The following FGD4 variants were observed in gnomAD, a reference collection of about 807,000 sequenced individuals.
FGD4 encodes the protein FYVE, RhoGEF and PH domain containing 4.
A neutral mutation model predicts 102.0 loss-of-function variants in FGD4; 42 were observed. The observed-to-expected ratio is 0.41, with a 90% confidence interval of 0.32 to 0.53. The LOEUF (loss-of-function observed/expected upper bound fraction) is 0.53. Ranked by LOEUF, FGD4 falls within the 20% of genes least tolerant of loss-of-function variation. FGD4 has a pLI of 0.21. For synonymous variants in FGD4, 380 were observed against 375.7 expected (o/e 1.01, Z -0.13); for missense variants, 902 against 1,078.2 (o/e 0.84, Z 2.29).
At chr12:32,534,141 G>T in intron 1 of FGD4, 1 of 213,948 alleles carries the variant, frequency 4.7e-6, no homozygotes, top group Non-Finnish European at 8.0e-6. Context: ...GCTGTACTTT[G>T]AATGCTTTTA....
At chr12:32,451,901 G>C (rs971990550) in intron 1 of FGD4, among the ~76,000 whole-genome samples, 1 of 99,022 alleles carries the variant, frequency 1.0e-5, no homozygotes, top group African/African-American at 3.9e-5. Flanking sequence ...ATATTCTAAA[G>C]ATAACAATAA....
intron 1 of FGD4, among the ~76,000 whole-genome samples, chr12:32,497,154 A>G (rs1185545201): frequency 1.3e-5 from 2 of 152,184 alleles, no homozygotes; most frequent in Non-Finnish European, 2.9e-5. Flanking sequence ...TGGAACAACA[A>G]GTACTTCTCT....
chr12:32,418,533 TG>T (rs1941509503), intron 1 of FGD4, among the ~76,000 whole-genome samples: 2 of 152,158 alleles, frequency 1.3e-5, no homozygotes, highest in Admixed American at 1.3e-4. Flanking sequence ...CAGAGACTCT[TG>T]TTCTCTTCCT....
At chr12:32,535,710 T>C (rs903202689) in intron 1 of FGD4, among the ~76,000 whole-genome samples, 1 of 152,200 alleles carries the variant, frequency 6.6e-6, no homozygotes, top group Non-Finnish European at 1.5e-5. Flanking sequence ...TTAGGTTCTC[T>C]TTTTCCTGAA....
rs543105473 is a variant in FGD4, at chr12:32,484,010, G to T, written c.167-80127G>T. Reference sequence around the variant, plus strand: ...CTCTCAAAATCACCACTGCATTACAGTATTATACTAGATGATGGTGTGTTC... The same window carrying T: ...CTCTCAAAATCACCACTGCATTACATTATTATACTAGATGATGGTGTGTTC... On this transcript the variant is annotated intron_variant, in intron 1 of 16. Transcript: ENST00000534526. Among the ~76,000 whole-genome samples the T allele has an allele frequency of 8.5e-5, 13 of 152,220 alleles. No individual in the cohort carries two copies. The South Asian group carries it at 2.3e-3, about 27-fold the overall frequency.
intron 1 of FGD4, among the ~76,000 whole-genome samples, chr12:32,433,162 A>T (rs1418598299): frequency 6.6e-6 from 1 of 150,996 alleles, no homozygotes; most frequent in Non-Finnish European, 1.5e-5. Flanking sequence ...ACACCTCGCT[A>T]ATTTTTGTAT....
chr12:32,505,702 A>G (rs538308188), intron 1 of FGD4, among the ~76,000 whole-genome samples: 1 of 152,292 alleles, frequency 6.6e-6, no homozygotes, highest in African/African-American at 2.4e-5. Context: ...GAAAAGTTCC[A>G]CGTTTTACAA....
At chr12:32,522,282 G>A (rs1940628847) in intron 1 of FGD4, among the ~76,000 whole-genome samples, 4 of 152,164 alleles carry the variant, frequency 2.6e-5, no homozygotes, top group Admixed American at 2.6e-4. Flanking sequence ...ACGTAGAGTG[G>A]ATGATTTGCA....
Position 32,582,158 on chromosome 12 carries a change from AAACCAGAT to A in FGD4, c.703_710del (p.Asn235GlyfsTer3). 1 of 1,614,242 alleles carries A rather than the reference AAACCAGAT, an allele frequency of 6.2e-7. No homozygotes were observed. The highest frequency in any genetic ancestry group is 8.5e-7 in the Non-Finnish European group (1 of 1,180,042). On this transcript the variant is annotated frameshift_variant, in exon 4 of 17. Coordinates refer to ENST00000534526, the MANE Select transcript of FGD4 (RefSeq NM_001370298.3). LOFTEE classifies it high-confidence loss of function. Reference sequence around the variant, plus strand: ...TGGCCAACGGTGTAATGGCAGCACAAAACCAGATGGAATGTGAGGAGGAGAAAGCTGCC... The same window carrying A: ...TGGCCAACGGTGTAATGGCAGCACAAGGAATGTGAGGAGGAGAAAGCTGCC...
chr12:32,437,577 C>T lies in FGD4; in HGVS notation c.166+37618C>T, dbSNP rs139889874. Among the ~76,000 whole-genome samples, 25 of 152,298 alleles carry T rather than the reference C, an allele frequency of 1.6e-4. No individual in the cohort carries two copies. In the East Asian group the frequency reaches 4.6e-3, roughly 28 times the overall value. On this transcript the variant is annotated intron_variant, in intron 1 of 16. Transcript: ENST00000534526. The stretch of plus-strand genomic sequence containing the variant: ...ATCCGTGGTATTCATTGAGTAAAAC[C>T]AGCAGATTTCACATAAGCAGATGTT...
intron 1 of FGD4, among the ~76,000 whole-genome samples, chr12:32,469,345 C>T (rs980902713): frequency 6.6e-6 from 1 of 152,006 alleles, no homozygotes; most frequent in Admixed American, 6.6e-5. Context: ...GTGGCGCAAT[C>T]TCGGCTCACT....
Position 32,585,834 on chromosome 12 carries a change from C to CAAAAAAAAAA in FGD4, c.1011+3384_1011+3393dup, listed in dbSNP as rs58688697. On this transcript the variant is annotated intron_variant, in intron 4 of 16. Transcript: ENST00000534526. The stretch of plus-strand genomic sequence containing the variant: ...GGGCCACAGAGCTGAGACCTTGTCT[C>CAAAAAAAAAA]AAAAAAAAAAAAAAAAAAAAAAAAA... Among the ~76,000 whole-genome samples the CAAAAAAAAAA allele has an allele frequency of 2.5e-4, 17 of 68,818 alleles. 1 individual carries two copies. Among genetic ancestry groups the CAAAAAAAAAA allele is most frequent in the African/African-American group, 9.7e-4 (17 of 17,510 alleles). The allele number at this position is 68,818 out of a possible 152,430, so 45.1% of individuals were successfully genotyped here.
At chr12:32,563,209 T>C (rs1254682311) in intron 1 of FGD4, among the ~76,000 whole-genome samples, 1 of 148,942 alleles carries the variant, frequency 6.7e-6, no homozygotes. Context: ...CCAGAGGGGG[T>C]GGCTGCCGGG....
At chr12:32,564,115 C>G (rs1944985888) in intron 1 of FGD4, 22 bp from the exon 2 acceptor site, 1 of 1,532,564 alleles carries the variant, frequency 6.5e-7, no homozygotes, top group South Asian at 1.2e-5. Context: ...CTTACCTGCC[C>G]TTTCTTTCTG....
At position 32,599,481 on chromosome 12, in the gene FGD4, C is replaced by T. The variant is rs533316705; in HGVS notation, c.1101+895C>T. The stretch of plus-strand genomic sequence containing the variant: ...TAGCACTCCAGCCTGGGTGACAGAG[C>T]GAGACTCCGTCTCAAAAAAAAAAAA... On this transcript the variant is annotated intron_variant, in intron 5 of 16. Coordinates refer to ENST00000534526, the MANE Select transcript of FGD4 (RefSeq NM_001370298.3). Among the ~76,000 whole-genome samples, 26 of 55,314 alleles carry T rather than the reference C, an allele frequency of 4.7e-4. 2 individuals carry two copies. The South Asian group carries it at 0.011, about 23-fold the overall frequency. The allele number at this position is 55,314 out of a possible 152,430, so 36.3% of individuals were successfully genotyped here.
chr12:32,600,301 C>A, intron 5 of FGD4: 2 of 284,234 alleles, frequency 7.0e-6, no homozygotes, highest in South Asian at 3.5e-5. Flanking sequence ...CCAAATAACT[C>A]GTCAGCCACT....
At chr12:32,522,892 C>G (rs1940698787) in intron 1 of FGD4, among the ~76,000 whole-genome samples, 1 of 152,258 alleles carries the variant, frequency 6.6e-6, no homozygotes, top group Non-Finnish European at 1.5e-5. Context: ...GTTTGCAAGT[C>G]TGCCACCAAT....
At chr12:32,602,968 T>C (rs1364172988) in intron 7 of FGD4, among the ~76,000 whole-genome samples, 1 of 152,222 alleles carries the variant, frequency 6.6e-6, no homozygotes, top group African/African-American at 2.4e-5. Flanking sequence ...TTTTGAGTTA[T>C]TTTCCAGTGG....
chr12:32,474,227 T>A (rs1289881426), intron 1 of FGD4, among the ~76,000 whole-genome samples: 1 of 152,202 alleles, frequency 6.6e-6, no homozygotes, highest in Non-Finnish European at 1.5e-5. Context: ...AGTTGCCATA[T>A]GACCCAGCAA....
Sources: gnomAD v4.1 joint callset for allele counts (sites outside exome capture counted in the v4.1 genomes callset) on GRCh38, gnomAD v4.1.1 for gene constraint, MANE v1.5 for transcripts, NCBI Gene and HGNC (gene_info 2026-07-23, HGNC 2026-07-21) for gene names.